SYT16: variants seen among roughly 807,000 people sequenced by gnomAD.
SYT16 encodes the protein synaptotagmin-16.
In SYT16, 42 loss-of-function variants were observed where a neutral mutation model predicts 61.4. The ratio of observed to expected loss-of-function variants is 0.68; its 90% CI spans 0.53 to 0.89. The LOEUF (loss-of-function observed/expected upper bound fraction) is 0.89. Among genes scored for constraint, SYT16 ranks in the 40% least tolerant of loss-of-function variants. The pLI, the probability that SYT16 is intolerant of heterozygous loss-of-function variation, is 0.00. For synonymous variants in SYT16, 314 were observed against 302.3 expected, an observed-to-expected ratio of 1.04 and a Z score of -0.40; for missense variants, 804 against 807.3, an observed-to-expected ratio of 1.00 and a Z score of 0.05.
chr14:62,048,485 G>A (rs1198361953), intron 3 of SYT16, among the ~76,000 whole-genome samples: 3 of 151,992 alleles, frequency 2.0e-5, no homozygotes, highest in Non-Finnish European at 4.4e-5. Context: ...CTTCAGTTCT[G>A]CTCTGATCTT....
intron 2 of SYT16, among the ~76,000 whole-genome samples, chr14:61,978,337 G>C (rs533742010): frequency 6.6e-6 from 1 of 152,232 alleles, no homozygotes; most frequent in East Asian, 1.9e-4. Flanking sequence ...TTTTCCTCCA[G>C]CACTGGTATT....
chr14:61,887,231 C>A (rs531550245), intron 1 of SYT16, among the ~76,000 whole-genome samples: 3 of 152,264 alleles, frequency 2.0e-5, no homozygotes, highest in South Asian at 4.1e-4. Flanking sequence ...TTTTTCTGAG[C>A]AGTAGATCTC....
At chr14:62,084,802 C>G (rs982944772) in intron 7 of SYT16, among the ~76,000 whole-genome samples, 10 of 152,182 alleles carry the variant, frequency 6.6e-5, no homozygotes, top group Non-Finnish European at 7.3e-5. Flanking sequence ...TGATCCTGTG[C>G]AATTTATCCC....
At chr14:62,048,443 A>AT (rs1199986522) in intron 3 of SYT16, among the ~76,000 whole-genome samples, 8 of 151,936 alleles carry the variant, frequency 5.3e-5, no homozygotes, top group Non-Finnish European at 1.0e-4. Flanking sequence ...GGATTCATTG[A>AT]TTTTTTGAAG....
At position 61,914,126 on chromosome 14, in the gene SYT16, T is replaced by C. The variant is rs531027390; in HGVS notation, c.-324-56006T>C. ...AAATGGTATAGAGAGTTATAATTTG[T>C]TCAGTTTGGGATAGCATTAATTTCT... On this transcript the variant is annotated intron_variant, in intron 1 of 7. Coordinates refer to ENST00000683842, the MANE Select transcript of SYT16 (RefSeq NM_001367656.1). Among the ~76,000 whole-genome samples, 4 of 152,172 alleles carry C rather than the reference T, an allele frequency of 2.6e-5. 1 individual carries two copies. The South Asian group carries it at 6.2e-4, about 24-fold the overall frequency.
intron 4 of SYT16, among the ~76,000 whole-genome samples, chr14:62,071,799 T>C (rs1252213426): frequency 6.6e-6 from 1 of 152,208 alleles, no homozygotes. Flanking sequence ...TCTTCCACTT[T>C]AAAAATGCAT....
At chr14:62,049,298 G>T (rs1349814565) in intron 3 of SYT16, among the ~76,000 whole-genome samples, 2 of 151,892 alleles carry the variant, frequency 1.3e-5, no homozygotes, top group Non-Finnish European at 1.5e-5. Flanking sequence ...AGGATTGCAA[G>T]CCCTGCCTTT....
intron 1 of SYT16, among the ~76,000 whole-genome samples, chr14:61,854,372 G>A (rs1484568732): frequency 6.6e-6 from 1 of 152,118 alleles, no homozygotes; most frequent in African/African-American, 2.4e-5. Flanking sequence ...AATCTCTTCT[G>A]GCATTTCCTA....
At chr14:61,900,223 A>G (rs145212708) in intron 1 of SYT16, among the ~76,000 whole-genome samples, 29 of 148,926 alleles carry the variant, frequency 1.9e-4, no homozygotes, top group Non-Finnish European at 3.7e-4. Context: ...CAGTGGCGCA[A>G]TCTCGGCTCA....
chr14:61,864,194 G>T (rs1471465405), intron 1 of SYT16, among the ~76,000 whole-genome samples: 1 of 152,212 alleles, frequency 6.6e-6, no homozygotes, highest in Non-Finnish European at 1.5e-5. Context: ...CCACTATTAT[G>T]AATAAAACTA....
intron 2 of SYT16, among the ~76,000 whole-genome samples, chr14:61,972,442 T>C (rs954291166): frequency 6.6e-6 from 1 of 152,198 alleles, no homozygotes; most frequent in Non-Finnish European, 1.5e-5. Context: ...ACAAAAGCTG[T>C]TCACTCAGGA....
chr14:61,962,704 C>T (rs1333703165), intron 1 of SYT16, among the ~76,000 whole-genome samples: 1 of 151,970 alleles, frequency 6.6e-6, no homozygotes, highest in Non-Finnish European at 1.5e-5. Context: ...TCATTCTTTT[C>T]TTTCTGTTCC....
At chr14:62,043,439 T>G (rs1361449341) in intron 3 of SYT16, among the ~76,000 whole-genome samples, 5 of 150,182 alleles carry the variant, frequency 3.3e-5, no homozygotes, top group Non-Finnish European at 7.4e-5. Flanking sequence ...ATGGAGTGTT[T>G]CTCTGTCGCC....
intron 1 of SYT16, among the ~76,000 whole-genome samples, chr14:61,878,108 A>G (rs1739483331): frequency 1.3e-5 from 2 of 152,202 alleles, no homozygotes; most frequent in Admixed American, 1.3e-4. Flanking sequence ...TTTCAATAAG[A>G]GTATTACAGT....
intron 1 of SYT16, among the ~76,000 whole-genome samples, chr14:61,943,864 T>G (rs2050311653): frequency 6.6e-6 from 1 of 152,134 alleles, no homozygotes; most frequent in Non-Finnish European, 1.5e-5. Flanking sequence ...TTCAAGATAA[T>G]ATTGAAAGTT....
Position 61,910,280 on chromosome 14 carries a change from C to G in SYT16, c.-324-59852C>G, listed in dbSNP as rs186048294. 2.0e-5 allele frequency among the ~76,000 whole-genome samples: 3 copies of G among 152,124 alleles called. No individual in the cohort carries two copies. In the East Asian group the frequency reaches 5.8e-4, roughly 29 times the overall value. ...TGAGACGGGGTCTCACTGTTGTCAC[C>G]TGGGCTAGAGTGCAATGGCATGATC... On this transcript the variant is annotated intron_variant, in intron 1 of 7. Transcript: ENST00000683842.
intron 7 of SYT16, among the ~76,000 whole-genome samples, chr14:62,094,521 T>A (rs2057199052): frequency 6.6e-6 from 1 of 152,082 alleles, no homozygotes; most frequent in African/African-American, 2.4e-5. Flanking sequence ...TCTCATAATA[T>A]GGATTATGGA....
chr14:62,072,100 G>C (rs2056320024), intron 4 of SYT16, among the ~76,000 whole-genome samples: 1 of 152,176 alleles, frequency 6.6e-6, no homozygotes, highest in African/African-American at 2.4e-5. Context: ...GACGTGAAAG[G>C]TTAGCTGTAG....
At chr14:62,038,690 G>T (rs1475069893) in intron 3 of SYT16, among the ~76,000 whole-genome samples, 2 of 152,094 alleles carry the variant, frequency 1.3e-5, no homozygotes, top group Non-Finnish European at 2.9e-5. Context: ...GGAACACCTG[G>T]CATTTGTACT....
Sources: allele counts gnomAD v4.1 joint callset (sites outside exome capture counted in the v4.1 genomes callset), GRCh38; gene constraint gnomAD v4.1.1; transcripts MANE v1.5; gene names NCBI Gene and HGNC (gene_info 2026-07-23, HGNC 2026-07-21).